DCC: variants seen among roughly 807,000 people sequenced by gnomAD.
The protein encoded by DCC is netrin receptor DCC.
In DCC, 58 loss-of-function variants were observed where a neutral mutation model predicts 172.5. The ratio of observed to expected loss-of-function variants is 0.34; its 90% CI spans 0.27 to 0.42. The LOEUF (loss-of-function observed/expected upper bound fraction) is 0.42, where lower values mean the gene tolerates loss of function less well. DCC is among the 10% of genes least tolerant of loss of function. DCC has a pLI of 1.00. For missense variants in DCC, 1,740 were observed against 1,791.0 expected (o/e 0.97, Z 0.51); for synonymous variants, 709 against 644.5 (o/e 1.10, Z -1.52).
chr18:52,425,733 G>C (rs1258987367), intron 1 of DCC, among the ~76,000 whole-genome samples: 3 of 151,978 alleles, frequency 2.0e-5, no homozygotes, highest in Non-Finnish European at 4.4e-5. Flanking sequence ...TGGGATCCCA[G>C]GAAAAAAAGC....
At chr18:52,908,848 A>G (rs1245499774) in intron 3 of DCC, among the ~76,000 whole-genome samples, 1 of 152,228 alleles carries the variant, frequency 6.6e-6, no homozygotes, top group Admixed American at 6.5e-5. Context: ...TCTAAATTAT[A>G]TGAATTCAAA....
chr18:53,385,788 G>C (rs1391952582), intron 15 of DCC, among the ~76,000 whole-genome samples: 1 of 152,078 alleles, frequency 6.6e-6, no homozygotes, highest in African/African-American at 2.4e-5. Flanking sequence ...CATCACATAG[G>C]TTTGCAGCAA....
intron 10 of DCC, among the ~76,000 whole-genome samples, chr18:53,206,560 GTATT>G: frequency 7.0e-6 from 1 of 142,850 alleles, no homozygotes; most frequent in South Asian, 2.2e-4. Flanking sequence ...ATACATGTAT[GTATT>G]ATATAATACA....
chr18:53,316,250 G>A (rs2057342646), intron 13 of DCC, among the ~76,000 whole-genome samples: 1 of 152,132 alleles, frequency 6.6e-6, no homozygotes, highest in Non-Finnish European at 1.5e-5. Context: ...GTTTGTCAAA[G>A]ATCAGATGAT....
chr18:53,244,748 A>G (rs934880066), intron 12 of DCC, among the ~76,000 whole-genome samples: 2 of 152,044 alleles, frequency 1.3e-5, no homozygotes, highest in Admixed American at 6.6e-5. Context: ...ACACAAAGCT[A>G]TGGTTCATTG....
rs534947257 is a variant in DCC at position 52,902,253 on chromosome 18, C to T, written c.413-3791C>T. On this transcript the variant is annotated intron_variant, in intron 2 of 28. Transcript: ENST00000442544. ...CTTTGCCTGGTTTTGGGGCAAAAGA[C>T]AATGCCAGAACATTTTGGGAACTTC... Among the ~76,000 whole-genome samples the T allele has an allele frequency of 5.3e-5, 8 of 152,314 alleles. No homozygotes were observed. The East Asian group carries it at 1.3e-3, about 26-fold the overall frequency.
chr18:52,841,265 T>C (rs932075857), intron 2 of DCC, among the ~76,000 whole-genome samples: 2 of 147,804 alleles, frequency 1.4e-5, no homozygotes, highest in Non-Finnish European at 3.0e-5. Flanking sequence ...GAATCAGAGG[T>C]GACATAACTT....
At chr18:52,820,943 G>C (rs2038393769) in intron 2 of DCC, among the ~76,000 whole-genome samples, 1 of 151,972 alleles carries the variant, frequency 6.6e-6, no homozygotes, top group African/African-American at 2.4e-5. Context: ...GAACTCACCT[G>C]GAGAAAAAAA....
intron 5 of DCC, among the ~76,000 whole-genome samples, chr18:52,950,420 C>T (rs896665698): frequency 6.6e-6 from 1 of 152,210 alleles, no homozygotes; most frequent in African/African-American, 2.4e-5. Flanking sequence ...CACATCTGAG[C>T]ATCAGCACTC....
intron 5 of DCC, among the ~76,000 whole-genome samples, chr18:53,027,157 G>A (rs2041966534): frequency 6.6e-6 from 1 of 151,956 alleles, no homozygotes; most frequent in East Asian, 1.9e-4. Context: ...CCCTCCTTAG[G>A]ACAATTGGGT....
At chr18:53,161,183 A>G (rs1365757620) in intron 8 of DCC, among the ~76,000 whole-genome samples, 2 of 152,188 alleles carry the variant, frequency 1.3e-5, no homozygotes, top group African/African-American at 4.8e-5. Flanking sequence ...GTCTTACATC[A>G]TATTCCAATA....
At chr18:53,273,152 A>G (rs16956462) in intron 12 of DCC, among the ~76,000 whole-genome samples, 8,292 of 152,186 alleles carry the variant, frequency 0.054, 783 homozygotes, top group African/African-American at 0.19. Context: ...AATTAAATGC[A>G]GTTGTATTGC....
rs61277582 is a variant in DCC at position 52,474,206 on chromosome 18, T to TAGAGAGAGAGAGAGAG, written c.91+133350_91+133365dup. ...TTTCCATACATAATTGTAACAGACC[T>TAGAGAGAGAGAGAGAG]AGAGAGAGAGAGAGAGAGAGAGAGA... On this transcript the variant is annotated intron_variant, in intron 1 of 28. Coordinates refer to ENST00000442544, the MANE Select transcript of DCC (RefSeq NM_005215.4). Among the ~76,000 whole-genome samples, 6 of 100,718 alleles carry TAGAGAGAGAGAGAGAG rather than the reference T, an allele frequency of 6.0e-5. 1 individual carries two copies. Among genetic ancestry groups the TAGAGAGAGAGAGAGAG allele is most frequent in the African/African-American group, 2.5e-4 (6 of 24,248 alleles). 66.1% of individuals were successfully genotyped at this position (100,718 alleles called of 152,430 possible).
At position 53,443,687 on chromosome 18, in the gene DCC, T is replaced by TG. The variant is rs757233505; in HGVS notation, c.3230-6811dup. ...TGAGCAAAGTAAATTGAAAACGTTT[T>TG]GGAAAGGATTCACCACTCTAGATGC... On this transcript the variant is annotated intron_variant, in intron 22 of 28. Coordinates refer to ENST00000442544, the MANE Select transcript of DCC (RefSeq NM_005215.4). Among the ~76,000 whole-genome samples the TG allele has an allele frequency of 2.6e-5, 4 of 152,250 alleles. No individual in the cohort carries two copies. The East Asian group carries it at 7.7e-4, about 29-fold the overall frequency.
Position 53,496,966 on chromosome 18 carries a change from A to C in DCC, c.3899-2332A>C, listed in dbSNP as rs1013357921. On this transcript the variant is annotated intron_variant, in intron 26 of 28. Transcript: ENST00000442544. Reference sequence around the variant, plus strand: ...AAAAAGGAAATAAAACATCATAAACATATTGTCCCTTTAATGGCTAAACCA... The same window carrying C: ...AAAAAGGAAATAAAACATCATAAACCTATTGTCCCTTTAATGGCTAAACCA... Among the ~76,000 whole-genome samples, 11 of 152,240 alleles carry C rather than the reference A, an allele frequency of 7.2e-5. No homozygotes were observed. The East Asian group carries it at 2.1e-3, about 29-fold the overall frequency.
intron 7 of DCC, among the ~76,000 whole-genome samples, chr18:53,071,376 T>C (rs2042649090): frequency 6.6e-6 from 1 of 152,192 alleles, no homozygotes; most frequent in Non-Finnish European, 1.5e-5. Context: ...CGGTTTCCTC[T>C]AGATAAAGAT....
rs576586524 is a variant in DCC, at chr18:52,587,191, C to T, written c.92-164863C>T. Among the ~76,000 whole-genome samples, 3 of 152,310 alleles carry T rather than the reference C, an allele frequency of 2.0e-5. No homozygotes were observed. In the South Asian group the frequency reaches 6.2e-4, roughly 32 times the overall value. On this transcript the variant is annotated intron_variant, in intron 1 of 28. Transcript: ENST00000442544. The stretch of plus-strand genomic sequence containing the variant: ...GAGGAATGGTGCTATATCGCGGGCT[C>T]AGTGTTGGTCTCTGCTGCTGGCAAA...
At chr18:53,054,222 T>A (rs1319098696) in intron 5 of DCC, among the ~76,000 whole-genome samples, 1 of 152,094 alleles carries the variant, frequency 6.6e-6, no homozygotes, top group Non-Finnish European at 1.5e-5. Flanking sequence ...TGTATTGTTA[T>A]TTTTTTATCT....
intron 7 of DCC, among the ~76,000 whole-genome samples, chr18:53,068,939 C>A (rs115511857): frequency 0.027 from 4,118 of 152,100 alleles, 212 homozygotes; most frequent in African/African-American, 0.094. Flanking sequence ...GCTGACAAAT[C>A]TAGTTTCTTA....
Sources: gnomAD v4.1 joint callset for allele counts (sites outside exome capture counted in the v4.1 genomes callset) on GRCh38, gnomAD v4.1.1 for gene constraint, MANE v1.5 for transcripts, NCBI Gene and HGNC (gene_info 2026-07-23, HGNC 2026-07-21) for gene names.